Variants in CDC42BPB observed in about 807,000 individuals in gnomAD.
The protein encoded by CDC42BPB is serine/threonine-protein kinase MRCK beta.
A neutral mutation model predicts 214.9 loss-of-function variants in CDC42BPB; 37 were observed. The ratio of observed to expected loss-of-function variants is 0.17; its 90% confidence interval spans 0.13 to 0.23. The LOEUF is 0.23. Among genes scored for constraint, CDC42BPB ranks in the 10% least tolerant of loss-of-function variants. The pLI, the probability that CDC42BPB is intolerant of heterozygous loss-of-function variation, is 1.00. For synonymous variants in CDC42BPB, 931 were observed against 884.0 expected, an observed-to-expected ratio of 1.05 and a Z score of -0.94; for missense variants, 1,694 against 2,227.0, an observed-to-expected ratio of 0.76 and a Z score of 4.82.
chr14:102,962,838 C>A (rs558927375), intron 20 of CDC42BPB, among the ~76,000 whole-genome samples: 4 of 151,966 alleles, frequency 2.6e-5, no homozygotes, highest in African/African-American at 9.6e-5. Flanking sequence ...GGTGACACAG[C>A]GAGACTGTCT....
At chr14:102,968,865 C>T in intron 14 of CDC42BPB, 149 bp from the exon 15 acceptor site, 5 of 1,469,372 alleles carry the variant, frequency 3.4e-6, no homozygotes, top group South Asian at 1.4e-5. Flanking sequence ...GCTGACCTGG[C>T]TAACGTGATC....
chr14:102,965,936 A>T (rs895060338), intron 18 of CDC42BPB, among the ~76,000 whole-genome samples: 1 of 152,230 alleles, frequency 6.6e-6, no homozygotes, highest in Non-Finnish European at 1.5e-5. Flanking sequence ...TAGCCTGGGC[A>T]ACAGAGTGAG....
At position 102,970,242 on chromosome 14, in the gene CDC42BPB, T is replaced by C. The variant is rs1893415071; in HGVS notation, c.1904A>G (p.Asp635Gly). The change falls in exon 14 of 37, where the codon GAT becomes GGT. Residue 635 changes from aspartate to glycine, a missense_variant. Coordinates refer to ENST00000361246, the MANE Select transcript of CDC42BPB (RefSeq NM_006035.4). ...CTCCTTGGAGGCCTCAGCAACAGCA[T>C]CATCAAGCTGAGCTTCCAGCTACAA... ...LRKELEAQLD[D>G]AVAEASKERK... The C allele has an allele frequency of 6.2e-7, 1 of 1,613,144 alleles. No homozygotes were observed. Among genetic ancestry groups the C allele is most frequent in the African/African-American group, 1.3e-5 (1 of 74,938 alleles).
intron 4 of CDC42BPB, among the ~76,000 whole-genome samples, chr14:103,003,066 G>A (rs1314461420): frequency 6.6e-6 from 1 of 152,110 alleles, no homozygotes; most frequent in African/African-American, 2.4e-5. Flanking sequence ...GGAAAAGGAA[G>A]CCTCGGGTCC....
chr14:103,053,593 C>T (rs182777467), intron 1 of CDC42BPB, among the ~76,000 whole-genome samples: 25 of 150,470 alleles, frequency 1.7e-4, no homozygotes, highest in Admixed American at 1.4e-3. Context: ...AACCCCGTCT[C>T]TACTAAAAAT....
At chr14:102,966,590 A>C in intron 17 of CDC42BPB, 2 of 858,106 alleles carry the variant, frequency 2.3e-6, no homozygotes, top group Non-Finnish European at 2.8e-6. Context: ...TTAAAAAGAC[A>C]CCAAACTTCC....
intron 25 of CDC42BPB, among the ~76,000 whole-genome samples, chr14:102,950,254 C>T (rs531243346): frequency 3.3e-5 from 5 of 152,362 alleles, no homozygotes; most frequent in East Asian, 1.9e-4. Context: ...TCTGAGTGAG[C>T]GTCTGCGTGG....
At chr14:102,956,418 C>T (rs977231701) in intron 21 of CDC42BPB, 19 of 982,294 alleles carry the variant, frequency 1.9e-5, no homozygotes, top group African/African-American at 1.4e-4. Context: ...ATGCAGGCAG[C>T]GTGGGATAAG....
chr14:102,985,056 G>A (rs1372035990), intron 6 of CDC42BPB, among the ~76,000 whole-genome samples: 1 of 152,060 alleles, frequency 6.6e-6, no homozygotes, highest in Non-Finnish European at 1.5e-5. Flanking sequence ...GGTGAGGAGG[G>A]TAACCCATGC....
chr14:102,935,027 A>G (rs1448474601), intron 36 of CDC42BPB, among the ~76,000 whole-genome samples: 2 of 151,854 alleles, frequency 1.3e-5, no homozygotes, highest in Admixed American at 6.6e-5. Flanking sequence ...AAAAAAAAAA[A>G]AAGAAAAAAA....
chr14:102,956,920 T>G (rs1431025770), intron 21 of CDC42BPB, among the ~76,000 whole-genome samples: 1 of 149,488 alleles, frequency 6.7e-6, no homozygotes, highest in Admixed American at 6.8e-5. Flanking sequence ...GGCTCACACC[T>G]GTAATCCCAG....
At position 102,961,162 on chromosome 14, in the gene CDC42BPB, G is replaced by GAATCAATC. The variant is rs34666495; in HGVS notation, c.2822-1460_2822-1453dup. On this transcript the variant is annotated intron_variant, in intron 20 of 36. Transcript: ENST00000361246. Reference sequence around the variant, plus strand: ...AGCCTGGGCAACAGAGCAAGACCCTGAATCAATCAATCAATCAATCAATCA... The same window carrying GAATCAATC: ...AGCCTGGGCAACAGAGCAAGACCCTGAATCAATCAATCAATCAATCAATCAATCAATCA... 6.7e-4 allele frequency among the ~76,000 whole-genome samples: 101 copies of GAATCAATC among 149,648 alleles called. No individual in the cohort carries two copies. The Middle Eastern group carries it at 0.014, about 20-fold the overall frequency.
intron 1 of CDC42BPB, among the ~76,000 whole-genome samples, chr14:103,018,466 G>A (rs1010061831): frequency 6.6e-6 from 1 of 152,234 alleles, no homozygotes; most frequent in African/African-American, 2.4e-5. Context: ...GCCCCATTAA[G>A]ATAACAATGG....
At chr14:103,024,653 T>C (rs927928898) in intron 1 of CDC42BPB, among the ~76,000 whole-genome samples, 3 of 152,236 alleles carry the variant, frequency 2.0e-5, no homozygotes, top group African/African-American at 7.2e-5. Flanking sequence ...TTTTAATACT[T>C]TCAATTTGCT....
intron 5 of CDC42BPB, among the ~76,000 whole-genome samples, chr14:102,995,730 G>A (rs1894697876): frequency 6.6e-6 from 1 of 152,228 alleles, no homozygotes; most frequent in Admixed American, 6.5e-5. Flanking sequence ...GGGCCCAAGC[G>A]GCAGCACAGT....
Position 103,004,113 on chromosome 14 carries a change from G to A in CDC42BPB, c.352-90C>T. 1.4e-6 allele frequency: 2 copies of A among 1,435,500 alleles called. No homozygotes were observed. The highest frequency in any genetic ancestry group is 1.4e-5 in the South Asian group (1 of 70,236). 88.9% of individuals were successfully genotyped at this position (1,435,500 alleles called of 1,614,324 possible). Reference sequence around the variant, plus strand: ...GTCTCGGGGTCCCTCCTGGGACAGTGGCTCCAGCCACGGTGTCCCTGCCTT... The same window carrying A: ...GTCTCGGGGTCCCTCCTGGGACAGTAGCTCCAGCCACGGTGTCCCTGCCTT... On this transcript the variant is annotated intron_variant, in intron 3 of 36. Coordinates refer to ENST00000361246, the MANE Select transcript of CDC42BPB (RefSeq NM_006035.4). This position sits in a 1 kb window ranked among gnomAD's most constrained non-coding sequence, Gnocchi z 5.3.
intron 1 of CDC42BPB, among the ~76,000 whole-genome samples, chr14:103,033,985 C>G (rs777673333): frequency 6.6e-6 from 1 of 152,182 alleles, no homozygotes; most frequent in Non-Finnish European, 1.5e-5. Context: ...AACTTCTGTA[C>G]GGATTCTACA....
At chr14:103,026,325 A>C (rs1887051459) in intron 1 of CDC42BPB, among the ~76,000 whole-genome samples, 1 of 151,854 alleles carries the variant, frequency 6.6e-6, no homozygotes, top group South Asian at 2.1e-4. Context: ...TGGGAGGCAG[A>C]GGTTGCAGTG....
intron 1 of CDC42BPB, among the ~76,000 whole-genome samples, chr14:103,013,253 T>G (rs1286727699): frequency 1.3e-5 from 2 of 152,046 alleles, no homozygotes; most frequent in African/African-American, 2.4e-5. Context: ...CACAAGACAT[T>G]CTCCAAGGCA....
Sources: allele counts gnomAD v4.1 joint callset (sites outside exome capture counted in the v4.1 genomes callset), GRCh38; gene constraint gnomAD v4.1.1; non-coding constraint Gnocchi (gnomAD v3.1); transcripts MANE v1.5; gene names NCBI Gene and HGNC (gene_info 2026-07-23, HGNC 2026-07-21).